ZNF395: variants seen among roughly 807,000 people sequenced by gnomAD.
The protein encoded by ZNF395 is zinc finger protein 395, also known as HD gene regulatory region-binding protein 2.
Under a neutral mutation model 57.7 loss-of-function variants are expected in ZNF395, and 20 were observed. The observed-to-expected ratio is 0.35, with a 90% CI of 0.24 to 0.50. ZNF395 has a LOEUF of 0.50. ZNF395 is among the 20% of genes least tolerant of loss of function. The pLI is 0.97. For missense variants in ZNF395, 606 were observed against 671.2 expected (o/e 0.90, Z 1.07); for synonymous variants, 295 against 275.9 (o/e 1.07, Z -0.69).
At position 28,351,292 on chromosome 8, in the gene ZNF395, T is replaced by G. The variant is rs553305086; in HGVS notation, c.1233+203A>C. On this transcript the variant is annotated intron_variant, in intron 7 of 9. Transcript: ENST00000344423. ...TAGCTAGATTCCTAGTAACCACTCA[T>G]GACAGCTGCCAATGTAGATAACTCC... The G allele has an allele frequency of 1.8e-5, 10 of 545,430 alleles. No individual in the cohort carries two copies. The South Asian group carries it at 3.4e-4, about 19-fold the overall frequency. The allele number at this position is 545,430 out of a possible 1,614,324, so 33.8% of individuals were successfully genotyped here.
chr8:28,382,930 C>A (rs1166493126), intron 1 of ZNF395, among the ~76,000 whole-genome samples: 1 of 152,088 alleles, frequency 6.6e-6, no homozygotes, highest in African/African-American at 2.4e-5. Context: ...GAGGTAGGTA[C>A]TTTATGAACT....
intron 9 of ZNF395, 25 bp from the exon 10 acceptor site, chr8:28,348,855 C>T (rs1175316475): frequency 9.3e-6 from 15 of 1,611,704 alleles, no homozygotes; most frequent in South Asian, 2.2e-5. Context: ...GAATGCAAAT[C>T]GAGCCCCACA....
At chr8:28,365,873 G>C (rs541598381) in intron 1 of ZNF395, among the ~76,000 whole-genome samples, 2 of 152,328 alleles carry the variant, frequency 1.3e-5, no homozygotes, top group Admixed American at 6.5e-5. Flanking sequence ...AACTCTCTCT[G>C]TGGTTCGGGG....
intron 1 of ZNF395, among the ~76,000 whole-genome samples, chr8:28,379,985 T>C (rs1802090094): frequency 1.3e-5 from 2 of 152,184 alleles, no homozygotes; most frequent in Non-Finnish European, 2.9e-5. Flanking sequence ...ACTGTAGATG[T>C]CCCTTAACTT....
At chr8:28,354,875 T>G (rs531461743) in intron 4 of ZNF395, among the ~76,000 whole-genome samples, 36 of 151,270 alleles carry the variant, frequency 2.4e-4, no homozygotes, top group Non-Finnish European at 4.9e-4. Context: ...ACATCTAGGA[T>G]GCTCAGGACT....
intron 1 of ZNF395, among the ~76,000 whole-genome samples, chr8:28,362,486 A>T (rs553153491): frequency 3.3e-5 from 5 of 152,318 alleles, no homozygotes; most frequent in South Asian, 2.1e-4. Context: ...GTTTCCAGGG[A>T]CCTCAGCATC....
Position 28,349,140 on chromosome 8 carries a change from G to A in ZNF395, c.1415C>T (p.Ala472Val). The stretch of plus-strand genomic sequence containing the variant: ...GACATCTCACCTGGCACCACTCTGG[G>A]CCCGGGGTGGAGAAGTGACGATCAG... The part of the protein sequence containing the change: ...SHLIVTSPPR[A>V]QSGARKARGE... Residue 472 changes from alanine (A) to valine (V), a missense_variant, in exon 9 of 10, where the codon GCC (alanine) becomes GTC (valine). Coordinates refer to ENST00000344423, the MANE Select transcript of ZNF395 (RefSeq NM_018660.3). 6.4e-7 allele frequency: 1 copy of A among 1,567,136 alleles called. No homozygotes were observed. Among genetic ancestry groups the A allele is most frequent in the Non-Finnish European group, 8.6e-7 (1 of 1,158,094 alleles).
chr8:28,353,598 G>C (rs891586905), intron 4 of ZNF395, among the ~76,000 whole-genome samples, 190 bp from the exon 5 acceptor site: 14 of 152,142 alleles, frequency 9.2e-5, no homozygotes, highest in Non-Finnish European at 2.1e-4. Flanking sequence ...GATACACACT[G>C]CAAGTTTGCT....
At position 28,359,881 on chromosome 8, in the gene ZNF395, T is replaced by A; in HGVS notation, c.241-57A>T. The A allele has an allele frequency of 1.3e-6, 2 of 1,570,964 alleles. No individual in the cohort carries two copies. The highest frequency in any genetic ancestry group is 2.3e-5 in the South Asian group (2 of 86,396). Reference sequence around the variant, plus strand: ...GCCCTGGATGGGTCTCGCCCTGAAGTTCTCATGCACCCCACGTCCCAGGAG... The same window carrying A: ...GCCCTGGATGGGTCTCGCCCTGAAGATCTCATGCACCCCACGTCCCAGGAG... On this transcript the variant is annotated intron_variant, in intron 2 of 9. Coordinates refer to ENST00000344423, the MANE Select transcript of ZNF395 (RefSeq NM_018660.3). This position sits in a 1 kb window ranked among gnomAD's most constrained non-coding sequence, Gnocchi z 4.7.
chr8:28,362,108 A>C, intron 1 of ZNF395, among the ~76,000 whole-genome samples: 1 of 152,022 alleles, frequency 6.6e-6, no homozygotes, highest in Non-Finnish European at 1.5e-5. Flanking sequence ...AAAAAAAAGA[A>C]AGAAAAAAGA....
chr8:28,350,354 T>C (rs1801666626), intron 7 of ZNF395, among the ~76,000 whole-genome samples, 198 bp from the exon 8 acceptor site: 2 of 152,192 alleles, frequency 1.3e-5, no homozygotes, highest in African/African-American at 4.8e-5. Context: ...GTCTCCTTAT[T>C]GCGAGGCTCC....
intron 1 of ZNF395, among the ~76,000 whole-genome samples, chr8:28,371,337 C>T (rs990548973): frequency 1.3e-5 from 2 of 152,198 alleles, no homozygotes; most frequent in African/African-American, 2.4e-5. Context: ...CGTGCCACCA[C>T]ATCTGACTCA....
intron 1 of ZNF395, among the ~76,000 whole-genome samples, chr8:28,361,762 G>A (rs1037198864): frequency 6.6e-6 from 1 of 152,170 alleles, no homozygotes; most frequent in Non-Finnish European, 1.5e-5. Context: ...AGATTCTCAA[G>A]CTCAGCAGGC....
At chr8:28,353,693 T>C (rs1038626025) in intron 4 of ZNF395, among the ~76,000 whole-genome samples, 1 of 152,172 alleles carries the variant, frequency 6.6e-6, no homozygotes. Context: ...GGTCTTGCTA[T>C]GTTGCCCAGG....
chr8:28,385,902 C>A (rs909785794), intron 1 of ZNF395: 2 of 146,542 alleles, frequency 1.4e-5, no homozygotes, highest in African/African-American at 4.9e-5. Context: ...CCCCCGGACC[C>A]CCCAGGCCGC....
In ZNF395 at chr8:28,359,855, A is replaced by C; in HGVS notation, c.241-31T>G. 6.3e-7 allele frequency: 1 copy of C among 1,598,166 alleles called. No homozygotes were observed. Among genetic ancestry groups the C allele is most frequent in the African/African-American group, 1.3e-5 (1 of 74,790 alleles). ...GGAAGAGGGACAGCAGTTAGTGGTCAGCCCTGGATGGGTCTCGCCCTGAAG... is the reference window on the plus strand; with the variant it reads ...GGAAGAGGGACAGCAGTTAGTGGTCCGCCCTGGATGGGTCTCGCCCTGAAG... On this transcript the variant is annotated intron_variant, in intron 2 of 9. Coordinates refer to ENST00000344423, the MANE Select transcript of ZNF395 (RefSeq NM_018660.3). This position sits in a 1 kb window ranked among gnomAD's most constrained non-coding sequence, Gnocchi z 4.7.
intron 7 of ZNF395, 97 bp from the exon 8 acceptor site, chr8:28,350,253 A>T: frequency 9.7e-7 from 1 of 1,032,662 alleles, no homozygotes; most frequent in Non-Finnish European, 1.4e-6. Context: ...CAGAAGGTGC[A>T]TCTCTGCGTA....
At chr8:28,363,427 C>G (rs1187900126) in intron 1 of ZNF395, among the ~76,000 whole-genome samples, 1 of 152,042 alleles carries the variant, frequency 6.6e-6, no homozygotes, top group Non-Finnish European at 1.5e-5. Flanking sequence ...AGGCACCGTG[C>G]CTGGCCTTAA....
At chr8:28,351,337 G>T in intron 7 of ZNF395, 158 bp downstream of exon 7, 1 of 713,780 alleles carries the variant, frequency 1.4e-6, no homozygotes, top group Non-Finnish European at 2.2e-6. Flanking sequence ...CACATTTATT[G>T]AGCAGTGAAT....
Sources: gnomAD v4.1 joint callset for allele counts (sites outside exome capture counted in the v4.1 genomes callset) on GRCh38, gnomAD v4.1.1 for gene constraint, Gnocchi (gnomAD v3.1) non-coding constraint, MANE v1.5 for transcripts, NCBI Gene and HGNC (gene_info 2026-07-23, HGNC 2026-07-21) for gene names.